TFB1M: variants seen among roughly 807,000 people sequenced by gnomAD.
TFB1M encodes the protein dimethyladenosine transferase 1, mitochondrial.
Under a neutral mutation model 31.1 loss-of-function variants are expected in TFB1M, and 27 were observed. That is an observed-to-expected ratio of 0.87 (90% confidence interval 0.64 to 1.20). The LOEUF (loss-of-function observed/expected upper bound fraction) is 1.20, where lower values mean the gene tolerates loss of function less well. Ranked by LOEUF, TFB1M falls within the 50% of genes most tolerant of loss-of-function variation. TFB1M has a pLI of 0.00. For synonymous variants in TFB1M, 166 were observed against 151.8 expected, an observed-to-expected ratio of 1.09 and a Z score of -0.69; for missense variants, 394 against 418.7, an observed-to-expected ratio of 0.94 and a Z score of 0.51.
the TFB1M span, among the ~76,000 whole-genome samples, chr6:155,241,697 G>T: frequency 6.6e-6 from 1 of 152,152 alleles, no homozygotes; most frequent in East Asian, 1.9e-4. Context: ...TGGCCTCAGA[G>T]GGGAGAAAGG....
intron 2 of TFB1M, among the ~76,000 whole-genome samples, chr6:155,304,880 A>G (rs1409247205): frequency 1.3e-5 from 2 of 151,608 alleles, no homozygotes; most frequent in Non-Finnish European, 2.9e-5. Context: ...CTATAGATAA[A>G]TAGAACAGAA....
At chr6:155,265,231 G>A (rs983688345) in intron 5 of TFB1M, among the ~76,000 whole-genome samples, 3 of 152,220 alleles carry the variant, frequency 2.0e-5, no homozygotes, top group African/African-American at 7.2e-5. Flanking sequence ...AACTGCCAGG[G>A]TCTGGACCCC....
In TFB1M at chr6:155,297,171, C is replaced by T. The variant is rs116655225; in HGVS notation, c.395-67G>A. On this transcript the variant is annotated intron_variant, in intron 3 of 6. Transcript: ENST00000367166. ...TATATTCTGAATACAATTTCAGTGACGAGTAAAATCAGACTGGATATTAAT... is the reference window on the plus strand; with the variant it reads ...TATATTCTGAATACAATTTCAGTGATGAGTAAAATCAGACTGGATATTAAT... 514 of 1,529,000 alleles carry T rather than the reference C, an allele frequency of 3.4e-4. 2 individuals are homozygous for T. The African/African-American group carries it at 5.4e-3, about 16-fold the overall frequency. The allele number at this position is 1,529,000 out of a possible 1,614,324, so 94.7% of individuals were successfully genotyped here.
At chr6:155,244,895 T>G in the TFB1M span, 13 of 1,303,090 alleles carry the variant, frequency 1.0e-5, no homozygotes, top group Admixed American at 7.2e-5. Context: ...TATTGACTAT[T>G]TATTGTCCTG....
At chr6:155,235,749 T>C in the TFB1M span, among the ~76,000 whole-genome samples, 6 of 152,236 alleles carry the variant, frequency 3.9e-5, no homozygotes. Flanking sequence ...GAAGTAAATC[T>C]GCTATGAAAA....
intron 4 of TFB1M, among the ~76,000 whole-genome samples, chr6:155,293,740 T>C (rs1777036041): frequency 6.6e-6 from 1 of 152,226 alleles, no homozygotes; most frequent in African/African-American, 2.4e-5. Flanking sequence ...TCAAAATAAT[T>C]ATTTATCTCC....
intron 2 of TFB1M, among the ~76,000 whole-genome samples, chr6:155,302,066 G>A (rs982338400): frequency 3.3e-5 from 5 of 152,178 alleles, no homozygotes; most frequent in African/African-American, 1.2e-4. Flanking sequence ...AAGTAATTGT[G>A]GTTTGGCTAG....
At chr6:155,253,031 A>G (rs147404276), downstream of TFB1M, 2 of 1,614,044 alleles carry the variant, frequency 1.2e-6, no homozygotes, top group African/African-American at 2.7e-5. Context: ...CCGCGCTTCA[A>G]GTCAGACTGG....
At chr6:155,264,894 T>G (rs1039319101) in intron 5 of TFB1M, among the ~76,000 whole-genome samples, 25 of 152,338 alleles carry the variant, frequency 1.6e-4, no homozygotes, top group Admixed American at 4.6e-4. Flanking sequence ...CAGTGTCTCT[T>G]GGTCCCAAGA....
At chr6:155,305,171 TTTATATATATATTAAA>T (rs1218693899) in intron 2 of TFB1M, among the ~76,000 whole-genome samples, 1 of 94,260 alleles carries the variant, frequency 1.1e-5, no homozygotes, top group East Asian at 3.4e-4. Flanking sequence ...AAATTATATA[TTTATATATATATTAAA>T]TTATATATTT....
intron 5 of TFB1M, among the ~76,000 whole-genome samples, chr6:155,266,294 C>T (rs144184886): frequency 2.3e-4 from 35 of 152,270 alleles, no homozygotes; most frequent in African/African-American, 7.5e-4. Flanking sequence ...ATAAAAGCCA[C>T]TGGGTTGGGC....
chr6:155,265,137 G>A (rs1024772858), intron 5 of TFB1M, among the ~76,000 whole-genome samples: 10 of 152,188 alleles, frequency 6.6e-5, no homozygotes, highest in East Asian at 1.9e-4. Flanking sequence ...CTGTGCTCCC[G>A]CTTGGGTTTG....
Position 155,256,324 on chromosome 6 carries a change from C to A in TFB1M, c.*1512G>T, listed in dbSNP as rs1562378613. 1 of 1,039,284 alleles carries A rather than the reference C, an allele frequency of 9.6e-7. No individual in the cohort carries two copies. Among genetic ancestry groups the A allele is most frequent in the Non-Finnish European group, 1.4e-6 (1 of 727,098 alleles). The allele number at this position is 1,039,284 out of a possible 1,614,324, so 64.4% of individuals were successfully genotyped here. ...CCTAAGTCAAAAATGTCCATGTTTT[C>A]AGTAGCTACATTTTTGCCTAATTAC... On this transcript the variant is annotated 3_prime_UTR_variant, in exon 7 of 7. Coordinates refer to ENST00000367166, the MANE Select transcript of TFB1M (RefSeq NM_016020.4).
chr6:155,249,973 C>T, the TFB1M span: 154 of 1,609,082 alleles, frequency 9.6e-5, 1 homozygote, highest in African/African-American at 1.5e-3. Flanking sequence ...GAAGGAGGTC[C>T]GTGAGACATC....
downstream of TFB1M, chr6:155,252,153 G>A (rs776423431): frequency 6.2e-5 from 39 of 626,572 alleles, no homozygotes; most frequent in South Asian, 8.2e-5. Context: ...TACTGAGAGC[G>A]TTTCTGAGTC....
chr6:155,281,839 T>G (rs1785519622), intron 5 of TFB1M, among the ~76,000 whole-genome samples: 1 of 151,704 alleles, frequency 6.6e-6, no homozygotes, highest in African/African-American at 2.4e-5. Flanking sequence ...AAGACAGAAT[T>G]TTGAGGATCT....
intron 4 of TFB1M, among the ~76,000 whole-genome samples, chr6:155,286,610 T>TATATGTGTGC (rs1157430531): frequency 7.1e-6 from 1 of 141,014 alleles, no homozygotes; most frequent in Non-Finnish European, 1.5e-5. Flanking sequence ...TATGTGTGTA[T>TATATGTGTGC]ATATATGTGT....
At chr6:155,251,187 C>T (rs977845966), downstream of TFB1M, among the ~76,000 whole-genome samples, 3 of 152,236 alleles carry the variant, frequency 2.0e-5, no homozygotes, top group South Asian at 2.1e-4. Context: ...ACTCCGGCAT[C>T]GCTCTGCATC....
intron 5 of TFB1M, among the ~76,000 whole-genome samples, chr6:155,284,774 T>C (rs907371771): frequency 6.6e-6 from 1 of 152,206 alleles, no homozygotes; most frequent in Non-Finnish European, 1.5e-5. Flanking sequence ...GTAAATAATG[T>C]TTGATGTAGC....
Sources: allele counts gnomAD v4.1 joint callset (sites outside exome capture counted in the v4.1 genomes callset), GRCh38; gene constraint gnomAD v4.1.1; transcripts MANE v1.5; gene names NCBI Gene and HGNC (gene_info 2026-07-23, HGNC 2026-07-21).